The following NCKAP1L variants were observed in gnomAD, a reference collection of about 807,000 sequenced individuals.
NCKAP1L encodes the protein NCK associated protein 1 like.
NCKAP1L carries 53 observed loss-of-function variants against 139.2 expected under a neutral mutation model. The ratio of observed to expected loss-of-function variants is 0.38; its 90% confidence interval spans 0.31 to 0.48. NCKAP1L has a LOEUF of 0.48. Among genes scored for constraint, NCKAP1L ranks in the 20% least tolerant of loss-of-function variants. The probability of loss-of-function intolerance (pLI) is 0.98; values close to 1 mark genes in which losing one functional copy is unlikely to be tolerated. For missense variants in NCKAP1L, 1,151 were observed against 1,381.9 expected, an observed-to-expected ratio of 0.83 and a Z score of 2.65; for synonymous variants, 468 against 499.7, an observed-to-expected ratio of 0.94 and a Z score of 0.85.
chr12:54,539,150 T>C (rs935018821), intron 30 of NCKAP1L, among the ~76,000 whole-genome samples, 177 bp downstream of exon 30: 1 of 152,228 alleles, frequency 6.6e-6, no homozygotes, highest in African/African-American at 2.4e-5. Flanking sequence ...TCTAAACTTG[T>C]CCTATAATCC....
intron 26 of NCKAP1L, 46 bp downstream of exon 26, chr12:54,532,296 T>A: frequency 2.7e-6 from 4 of 1,504,032 alleles, no homozygotes; most frequent in Non-Finnish European, 3.7e-6. Flanking sequence ...ACTTTTGTTG[T>A]TGAAAAGGAG....
intron 3 of NCKAP1L, among the ~76,000 whole-genome samples, chr12:54,504,801 A>G (rs771755399): frequency 7.9e-5 from 12 of 152,218 alleles, no homozygotes; most frequent in Non-Finnish European, 1.6e-4. Flanking sequence ...TAAATGAGAT[A>G]ATGCATGGAC....
Position 54,518,321 on chromosome 12 carries a change from G to A in NCKAP1L, c.1339-330G>A, listed in dbSNP as rs1237314156. Among the ~76,000 whole-genome samples the A allele has an allele frequency of 6.6e-5, 10 of 151,274 alleles. No individual in the cohort carries two copies. The East Asian group carries it at 1.8e-3, about 26-fold the overall frequency. On this transcript the variant is annotated intron_variant, in intron 13 of 30. Transcript: ENST00000293373. ...CGCGCCACTGCACTCCAGCTTGGGC[G>A]ACAGAGCGAGACTCTGTCTCAAAAA...
At chr12:54,512,188 C>T in intron 9 of NCKAP1L, 83 bp downstream of exon 9, 3 of 1,411,674 alleles carry the variant, frequency 2.1e-6, no homozygotes, top group South Asian at 1.3e-5. Flanking sequence ...CACAAGTGTT[C>T]CCAGATATAG....
In NCKAP1L at chr12:54,547,533, T is replaced by TGTGTGA. The variant is rs1555173135; in HGVS notation, c.*4849_*4850insTGTGAG. On this transcript the variant is annotated 3_prime_UTR_variant, in exon 31 of 31. Transcript: ENST00000293373. ...GTGTGTGTGTGTGTGTGTGTGTGTG[T>TGTGTGA]GAATTAGCCTTAAAATGAATCAGGA... 6 of 151,824 alleles carry TGTGTGA rather than the reference T, an allele frequency of 4.0e-5. No homozygotes were observed. Among genetic ancestry groups the TGTGTGA allele is most frequent in the East Asian group, 1.9e-4 (1 of 5,178 alleles). The allele number at this position is 151,824 out of a possible 1,614,324, so 9.4% of individuals were successfully genotyped here. A position where few individuals can be genotyped will look rare whatever the true frequency, so the allele number is the denominator to read the frequency against.
intron 30 of NCKAP1L, among the ~76,000 whole-genome samples, chr12:54,541,628 A>G (rs1957158813): frequency 6.6e-6 from 1 of 152,210 alleles, no homozygotes; most frequent in South Asian, 2.1e-4. Flanking sequence ...TGAGAATAGG[A>G]AAATCTTACA....
At chr12:54,500,962 T>G (rs919835429) in intron 3 of NCKAP1L, 16 of 178,612 alleles carry the variant, frequency 9.0e-5, no homozygotes, top group Admixed American at 7.0e-4. Flanking sequence ...TTTTTCTATT[T>G]TAAAAATTAT....
Position 54,523,834 on chromosome 12 carries a change from G to T in NCKAP1L, c.2034G>T (p.Lys678Asn). The change falls in exon 20 of 31, where the codon AAG (lysine) becomes AAT (asparagine). Residue 678 changes from lysine to asparagine, a missense_variant. By Grantham distance (94) the Lys-to-Asn change is moderately conservative. Coordinates refer to ENST00000293373, the MANE Select transcript of NCKAP1L (RefSeq NM_005337.5). ...TCATTTTCCTTTCTAGCATGGACAA[G>T]CTACACCTAAACTTGACAGAACTGG... The part of the protein sequence containing the change: ...KNRSIVTNMD[K>N]LHLNLTELAL... 1 of 1,613,780 alleles carries T rather than the reference G, an allele frequency of 6.2e-7. No individual in the cohort carries two copies. The highest frequency in any genetic ancestry group is 8.5e-7 in the Non-Finnish European group (1 of 1,179,806).
chr12:54,519,074 C>A, intron 15 of NCKAP1L, 102 bp downstream of exon 15: 2 of 1,556,666 alleles, frequency 1.3e-6, no homozygotes, highest in South Asian at 2.2e-5. Flanking sequence ...AGTGAGTCAA[C>A]TTTGAAAACT....
At chr12:54,512,201 G>A in intron 9 of NCKAP1L, 96 bp downstream of exon 9, 1 of 1,298,776 alleles carries the variant, frequency 7.7e-7, no homozygotes. Context: ...AGATATAGGT[G>A]GTAACGATTA....
At position 54,536,369 on chromosome 12, in the gene NCKAP1L, G is replaced by A. The variant is rs945769228; in HGVS notation, c.3073+124G>A. The stretch of plus-strand genomic sequence containing the variant: ...TGGGTGTAAAGTTCTGTTTCAAAAA[G>A]CACTTGAAGGCTGGACACCGTGGCT... On this transcript the variant is annotated intron_variant, in intron 28 of 30. Transcript: ENST00000293373. The A allele has an allele frequency of 3.3e-5, 24 of 724,418 alleles. No homozygotes were observed. The African/African-American group carries it at 4.2e-4, about 13-fold the overall frequency. 44.9% of individuals were successfully genotyped at this position (724,418 alleles called of 1,614,324 possible).
At chr12:54,537,137 A>G in intron 29 of NCKAP1L, 84 bp downstream of exon 29, 1 of 917,594 alleles carries the variant, frequency 1.1e-6, no homozygotes, top group Admixed American at 2.0e-5. Context: ...ATTATCGTTG[A>G]ACAGGCTTTT....
intron 23 of NCKAP1L, 42 bp from the exon 24 acceptor site, chr12:54,531,449 T>C (rs778353384): frequency 6.2e-7 from 1 of 1,610,424 alleles, no homozygotes; most frequent in African/African-American, 1.3e-5. Context: ...AACATTGGTC[T>C]CTTCTTTTCC....
rs1408711308 is a variant in NCKAP1L, at chr12:54,545,407, T to G, written c.*2722T>G. 1 of 152,202 alleles carries G rather than the reference T, an allele frequency of 6.6e-6. No homozygotes were observed. The highest frequency in any genetic ancestry group is 2.1e-4 in the South Asian group (1 of 4,826). 9.4% of individuals were successfully genotyped at this position (152,202 alleles called of 1,614,324 possible). ...TGTTCAGTCCTAGACCTTTTCTACTTGCCCGGTCTGCCTCTTCACAAGGGA... is the reference window on the plus strand; with the variant it reads ...TGTTCAGTCCTAGACCTTTTCTACTGGCCCGGTCTGCCTCTTCACAAGGGA... On this transcript the variant is annotated 3_prime_UTR_variant, in exon 31 of 31. Transcript: ENST00000293373.
intron 20 of NCKAP1L, among the ~76,000 whole-genome samples, 161 bp downstream of exon 20, chr12:54,524,117 C>A (rs766995885): frequency 1.3e-5 from 2 of 152,244 alleles, no homozygotes; most frequent in Non-Finnish European, 2.9e-5. Flanking sequence ...TAGCATAGGT[C>A]CCAAGCATCT....
At chr12:54,534,512 G>A (rs899114537) in intron 26 of NCKAP1L, among the ~76,000 whole-genome samples, 2 of 152,230 alleles carry the variant, frequency 1.3e-5, no homozygotes, top group African/African-American at 2.4e-5. Flanking sequence ...ACCAACGTAA[G>A]GAGGGAAGAG....
At chr12:54,524,070 G>A in intron 20 of NCKAP1L, 114 bp downstream of exon 20, 1 of 1,085,178 alleles carries the variant, frequency 9.2e-7, no homozygotes, top group South Asian at 1.5e-5. Flanking sequence ...CATCCTGGTG[G>A]TCATGCCACA....
At chr12:54,514,085 C>T (rs1057439607) in intron 9 of NCKAP1L, among the ~76,000 whole-genome samples, 1 of 151,568 alleles carries the variant, frequency 6.6e-6, no homozygotes, top group Non-Finnish European at 1.5e-5. Context: ...ATATTATGTT[C>T]TATGGTTTGC....
intron 3 of NCKAP1L, among the ~76,000 whole-genome samples, chr12:54,502,337 C>T (rs1282818905): frequency 1.3e-5 from 2 of 152,106 alleles, no homozygotes; most frequent in Non-Finnish European, 2.9e-5. Context: ...GGAAGCTCAA[C>T]CTGTATAAAC....
Sources: gnomAD v4.1 joint callset for allele counts (sites outside exome capture counted in the v4.1 genomes callset) on GRCh38, gnomAD v4.1.1 for gene constraint, MANE v1.5 for transcripts, NCBI Gene and HGNC (gene_info 2026-07-23, HGNC 2026-07-21) for gene names.